KIRREL3: variants seen among roughly 807,000 people sequenced by gnomAD.
The protein encoded by KIRREL3 is kirre like nephrin family adhesion molecule 3, also known as kin of IRRE-like protein 3.
KIRREL3 carries 36 observed loss-of-function variants against 89.7 expected under a neutral mutation model. That is an observed-to-expected ratio of 0.40 (90% CI 0.31 to 0.53). The LOEUF is 0.53. Ranked by LOEUF, KIRREL3 falls within the 20% of genes least tolerant of loss-of-function variation. KIRREL3 has a pLI of 0.49. For synonymous variants in KIRREL3, 445 were observed against 441.4 expected, an observed-to-expected ratio of 1.01 and a Z score of -0.10; for missense variants, 864 against 1,056.6, an observed-to-expected ratio of 0.82 and a Z score of 2.53.
At chr11:126,713,337 C>G (rs1947834692) in intron 1 of KIRREL3, among the ~76,000 whole-genome samples, 1 of 152,222 alleles carries the variant, frequency 6.6e-6, no homozygotes, top group Non-Finnish European at 1.5e-5. Flanking sequence ...ATCACTGAAG[C>G]AAAGCAGGTG....
rs1386992683 is a variant in KIRREL3 at position 126,562,947 on chromosome 11, G to A, written c.56-35C>T. On this transcript the variant is annotated intron_variant, in intron 1 of 16. Transcript: ENST00000525144. The surrounding 1 kb of genome is among the most constrained non-coding windows in gnomAD (Gnocchi z 4.7). ...AAGCATAGGTGGGTGAGTTGGGAAT[G>A]GGAACAGGTCAGGCATTGTTGGGGG... 1.3e-6 allele frequency: 2 copies of A among 1,566,044 alleles called. No homozygotes were observed. The highest frequency in any genetic ancestry group is 2.2e-5 in the East Asian group (1 of 44,640).
intron 1 of KIRREL3, among the ~76,000 whole-genome samples, chr11:126,727,917 C>T (rs1207245232): frequency 6.6e-6 from 1 of 151,542 alleles, no homozygotes; most frequent in East Asian, 1.9e-4. Flanking sequence ...CCCCAGAGTC[C>T]AATGATGAGG....
chr11:126,826,680 A>G (rs1158398442), intron 1 of KIRREL3, among the ~76,000 whole-genome samples: 4 of 152,140 alleles, frequency 2.6e-5, no homozygotes, highest in African/African-American at 7.2e-5. Flanking sequence ...CTCTCCTTCA[A>G]AGTTCTGTGT....
At chr11:126,448,909 C>A in intron 8 of KIRREL3, 100 bp downstream of exon 8, 1 of 1,270,220 alleles carries the variant, frequency 7.9e-7, no homozygotes, top group Non-Finnish European at 1.1e-6. Context: ...ACGCATGAAG[C>A]TTGTGTTGTG....
intron 1 of KIRREL3, among the ~76,000 whole-genome samples, chr11:126,833,161 A>G (rs1473146632): frequency 6.6e-6 from 1 of 152,202 alleles, no homozygotes; most frequent in East Asian, 1.9e-4. Flanking sequence ...ACCCAGCACC[A>G]CCCTACTTCC....
In KIRREL3 at chr11:126,971,579, T is replaced by C. The variant is rs920203795; in HGVS notation, c.55+28876A>G. On this transcript the variant is annotated intron_variant, in intron 1 of 16. Transcript: ENST00000525144. ...TTAACTCAGCAGTCCTATAGGAGAG[T>C]GAGTTCCTGTCGTGAGAGCACTGAA... 6.6e-5 allele frequency among the ~76,000 whole-genome samples: 10 copies of C among 152,054 alleles called. No individual in the cohort carries two copies. In the East Asian group the frequency reaches 1.9e-3, roughly 29 times the overall value.
Position 126,570,707 on chromosome 11 carries a change from G to T in KIRREL3, c.56-7795C>A, listed in dbSNP as rs1051223969. 6.6e-6 allele frequency among the ~76,000 whole-genome samples: 1 copy of T among 152,178 alleles called. No individual in the cohort carries two copies. The highest frequency in any genetic ancestry group is 1.5e-5 in the Non-Finnish European group (1 of 68,022). ...CTGGCATAGCTCTATCCCCCATGCG[G>T]CCAAGGCAGGCATTATCAGCAACTC... On this transcript the variant is annotated intron_variant, in intron 1 of 16. Coordinates refer to ENST00000525144, the MANE Select transcript of KIRREL3 (RefSeq NM_032531.4). This position sits in a 1 kb window ranked among gnomAD's most constrained non-coding sequence, Gnocchi z 6.1.
At chr11:126,759,942 C>T (rs75927148) in intron 1 of KIRREL3, among the ~76,000 whole-genome samples, 241 of 152,160 alleles carry the variant, frequency 1.6e-3, no homozygotes, top group Non-Finnish European at 2.8e-3. Flanking sequence ...ACCTAGGCTT[C>T]CTATATTAAC....
At chr11:126,678,339 G>A (rs1946290460) in intron 1 of KIRREL3, among the ~76,000 whole-genome samples, 1 of 152,228 alleles carries the variant, frequency 6.6e-6, no homozygotes, top group East Asian at 1.9e-4. Flanking sequence ...GGTGGCTCAC[G>A]CCTGTAATCT....
intron 1 of KIRREL3, among the ~76,000 whole-genome samples, chr11:126,809,414 C>G (rs1479293711): frequency 6.6e-6 from 1 of 152,140 alleles, no homozygotes; most frequent in Non-Finnish European, 1.5e-5. Context: ...AAGGAACTGA[C>G]CGTGCCCCCC....
At chr11:126,741,214 T>C (rs1359060049) in intron 1 of KIRREL3, among the ~76,000 whole-genome samples, 4 of 152,220 alleles carry the variant, frequency 2.6e-5, no homozygotes, top group Non-Finnish European at 5.9e-5. Context: ...TCCCACTCCC[T>C]TGGAGCACAG....
rs1956884666 is a variant in KIRREL3 at position 126,471,322 on chromosome 11, A to G, written c.591+1987T>C. The stretch of plus-strand genomic sequence containing the variant: ...GAGGTGGAGGTTGCGGTGAGCTGAG[A>G]TCACGCCATTGCACTCCAGTCTGGG... On this transcript the variant is annotated intron_variant, in intron 5 of 16. Transcript: ENST00000525144. This position sits in a 1 kb window ranked among gnomAD's most constrained non-coding sequence, Gnocchi z 5.4. 6.6e-6 allele frequency among the ~76,000 whole-genome samples: 1 copy of G among 152,160 alleles called. No individual in the cohort carries two copies. Among genetic ancestry groups the G allele is most frequent in the African/African-American group, 2.4e-5 (1 of 41,438 alleles).
rs916492405 is a variant in KIRREL3 at position 126,459,228 on chromosome 11, T to G, written c.743-2774A>C. On this transcript the variant is annotated intron_variant, in intron 6 of 16. Coordinates refer to ENST00000525144, the MANE Select transcript of KIRREL3 (RefSeq NM_032531.4). The surrounding 1 kb of genome is among the most constrained non-coding windows in gnomAD (Gnocchi z 4.8). ...TTGGGGGGCTGTTCCAGGAGGCCCTTCCCTCACCTGGGGGTCTTTTCTAAA... is the reference window on the plus strand; with the variant it reads ...TTGGGGGGCTGTTCCAGGAGGCCCTGCCCTCACCTGGGGGTCTTTTCTAAA... 1.3e-5 allele frequency among the ~76,000 whole-genome samples: 2 copies of G among 152,022 alleles called. No homozygotes were observed. Among genetic ancestry groups the G allele is most frequent in the Non-Finnish European group, 2.9e-5 (2 of 67,990 alleles).
At position 126,683,570 on chromosome 11, in the gene KIRREL3, C is replaced by T. The variant is rs931050307; in HGVS notation, c.56-120658G>A. ...GGCACCCATCTTGGAGGAGATTTGG[C>T]ACGTGATGCTCAGCACATTGCCTGA... On this transcript the variant is annotated intron_variant, in intron 1 of 16. Transcript: ENST00000525144. This position sits in a 1 kb window ranked among gnomAD's most constrained non-coding sequence, Gnocchi z 5.2. 3.3e-5 allele frequency among the ~76,000 whole-genome samples: 5 copies of T among 152,220 alleles called. No individual in the cohort carries two copies. The highest frequency in any genetic ancestry group is 9.6e-5 in the African/African-American group (4 of 41,452).
At chr11:126,859,932 G>A (rs1344133511) in intron 1 of KIRREL3, among the ~76,000 whole-genome samples, 1 of 152,076 alleles carries the variant, frequency 6.6e-6, no homozygotes, top group Admixed American at 6.5e-5. Context: ...ACATATCTCA[G>A]TTGAAAACCA....
chr11:126,548,648 T>C (rs972991165), intron 2 of KIRREL3, among the ~76,000 whole-genome samples: 3 of 152,254 alleles, frequency 2.0e-5, no homozygotes, highest in Non-Finnish European at 2.9e-5. Flanking sequence ...TCATGAGGAA[T>C]GACTACACTA....
chr11:126,601,532 A>G lies in KIRREL3; in HGVS notation c.56-38620T>C, dbSNP rs1045352997. 1.3e-5 allele frequency among the ~76,000 whole-genome samples: 2 copies of G among 152,148 alleles called. No individual in the cohort carries two copies. The highest frequency in any genetic ancestry group is 4.8e-5 in the African/African-American group (2 of 41,432). ...CAATTTACCTTTGAATTTGAAGGCT[A>G]TTTTCTTCCTAAATGGCTAATTATG... On this transcript the variant is annotated intron_variant, in intron 1 of 16. Transcript: ENST00000525144. This position sits in a 1 kb window ranked among gnomAD's most constrained non-coding sequence, Gnocchi z 5.8.
chr11:126,823,735 A>G (rs1943304407), intron 1 of KIRREL3, among the ~76,000 whole-genome samples: 1 of 152,186 alleles, frequency 6.6e-6, no homozygotes, highest in Non-Finnish European at 1.5e-5. Flanking sequence ...GAAAACAACA[A>G]AAGAAGGGAG....
At position 126,463,138 on chromosome 11, in the gene KIRREL3, G is replaced by A; in HGVS notation, c.742+19C>T. 1 of 1,610,240 alleles carries A rather than the reference G, an allele frequency of 6.2e-7. No individual in the cohort carries two copies. Among genetic ancestry groups the A allele is most frequent in the Non-Finnish European group, 8.5e-7 (1 of 1,178,112 alleles). On this transcript the variant is annotated intron_variant, in intron 6 of 16. Transcript: ENST00000525144. This position sits in a 1 kb window ranked among gnomAD's most constrained non-coding sequence, Gnocchi z 5.9. ...CTGGGCCTGGCAGGGCTGGGTTGGG[G>A]GAGGGGGTGGGTACTCACGCTGGAT... is the stretch of plus-strand genomic sequence containing the variant.
Sources: gnomAD v4.1 joint callset for allele counts (sites outside exome capture counted in the v4.1 genomes callset) on GRCh38, gnomAD v4.1.1 for gene constraint, Gnocchi (gnomAD v3.1) non-coding constraint, MANE v1.5 for transcripts, NCBI Gene and HGNC (gene_info 2026-07-23, HGNC 2026-07-21) for gene names.